Variants in TMEM116 observed in about 807,000 individuals in gnomAD.
TMEM116 encodes transmembrane protein 116.
In TMEM116, 38 loss-of-function variants were observed where a neutral mutation model predicts 44.3. The ratio of observed to expected loss-of-function variants is 0.86; its 90% confidence interval spans 0.66 to 1.12. The LOEUF (loss-of-function observed/expected upper bound fraction) is 1.12. Among genes scored for constraint, TMEM116 ranks in the 50% most tolerant of loss-of-function variants. TMEM116 has a pLI of 0.00. For synonymous variants in TMEM116, 132 were observed against 144.8 expected (o/e 0.91, Z 0.64); for missense variants, 354 against 401.7 (o/e 0.88, Z 1.01).
At chr12:111,966,025 GGCCAGGCACGGTGGCTCA>G (rs1268134464) in intron 4 of TMEM116, among the ~76,000 whole-genome samples, 2 of 151,674 alleles carry the variant, frequency 1.3e-5, no homozygotes, top group Admixed American at 6.6e-5. Flanking sequence ...AGAAATTTGA[GGCCAGGCACGGTGGCTCA>G]TGCCTGTAAT....
chr12:111,963,561 C>A (rs1380791287), intron 4 of TMEM116, among the ~76,000 whole-genome samples: 1 of 152,064 alleles, frequency 6.6e-6, no homozygotes, highest in Non-Finnish European at 1.5e-5. Flanking sequence ...TTCCCAGCAA[C>A]TAACACAAGA....
chr12:111,971,999 C>A (rs1490515479), intron 4 of TMEM116, among the ~76,000 whole-genome samples: 1 of 148,328 alleles, frequency 6.7e-6, no homozygotes, highest in Non-Finnish European at 1.5e-5. Flanking sequence ...TTGCTTGAGC[C>A]CAGGAGTTTG....
chr12:111,931,379 T>C lies in TMEM116; in HGVS notation c.*242A>G. The C allele has an allele frequency of 1.9e-6, 1 of 517,240 alleles. No individual in the cohort carries two copies. The highest frequency in any genetic ancestry group is 3.4e-6 in the Non-Finnish European group (1 of 292,496). The allele number at this position is 517,240 out of a possible 1,614,324, so 32.0% of individuals were successfully genotyped here. On this transcript the variant is annotated 3_prime_UTR_variant, in exon 11 of 11. Transcript: ENST00000552374. Reference sequence around the variant, plus strand: ...CATCAAGGTAACACGAGTCTATCTCTGAGATGGAAAGTGTCTTCCTCTCCC... The same window carrying C: ...CATCAAGGTAACACGAGTCTATCTCCGAGATGGAAAGTGTCTTCCTCTCCC...
At chr12:111,936,938 C>T (rs1457574005) in intron 7 of TMEM116, 108 bp from the exon 8 acceptor site, 2 of 1,244,866 alleles carry the variant, frequency 1.6e-6, no homozygotes, top group African/African-American at 1.5e-5. Flanking sequence ...CTAACTCTTG[C>T]TCATAAAACC....
intron 4 of TMEM116, among the ~76,000 whole-genome samples, chr12:111,988,146 G>T (rs779987573): frequency 6.6e-6 from 1 of 152,128 alleles, no homozygotes; most frequent in East Asian, 1.9e-4. Flanking sequence ...ACAGAAAGTA[G>T]AACAGTGGTT....
chr12:111,976,445 A>C (rs1159988761), intron 4 of TMEM116, among the ~76,000 whole-genome samples: 1 of 152,150 alleles, frequency 6.6e-6, no homozygotes, highest in Non-Finnish European at 1.5e-5. Flanking sequence ...GCGCCACTGC[A>C]CTCTAGCCTG....
At chr12:111,993,313 T>G in intron 3 of TMEM116, 7 of 484,840 alleles carry the variant, frequency 1.4e-5, no homozygotes, top group Non-Finnish European at 2.9e-5. Flanking sequence ...GGATTCTCAG[T>G]TACACTTAAG....
intron 4 of TMEM116, among the ~76,000 whole-genome samples, chr12:111,970,098 C>G (rs2075241360): frequency 1.3e-5 from 2 of 151,746 alleles, no homozygotes; most frequent in Admixed American, 1.3e-4. Context: ...GAAACCCCAT[C>G]TCTATAAAAA....
chr12:111,993,903 A>G (rs2076771382), intron 3 of TMEM116: 1 of 720,032 alleles, frequency 1.4e-6, no homozygotes, highest in Non-Finnish European at 2.6e-6. Flanking sequence ...TTGGATTTAA[A>G]GGTGTATGGA....
At chr12:111,984,071 G>A (rs986259047) in intron 4 of TMEM116, among the ~76,000 whole-genome samples, 4 of 151,848 alleles carry the variant, frequency 2.6e-5, no homozygotes, top group South Asian at 4.1e-4. Flanking sequence ...AAAAACTATC[G>A]TCTATATGAC....
At chr12:111,957,856 A>G (rs1565899898) in intron 4 of TMEM116, among the ~76,000 whole-genome samples, 1 of 152,242 alleles carries the variant, frequency 6.6e-6, no homozygotes, top group Non-Finnish European at 1.5e-5. Context: ...GGGGAAAAGA[A>G]AGAGAGATCA....
intron 4 of TMEM116, among the ~76,000 whole-genome samples, chr12:111,973,488 T>C (rs1427954135): frequency 6.6e-6 from 1 of 152,080 alleles, no homozygotes; most frequent in African/African-American, 2.4e-5. Context: ...TCTCTAAAAA[T>C]ATACGTAAGT....
chr12:111,934,603 C>T (rs1714596177), intron 8 of TMEM116: 1 of 152,008 alleles, frequency 6.6e-6, no homozygotes, highest in South Asian at 2.1e-4. Flanking sequence ...ACTAAAAATA[C>T]AAAAATTAGC....
At chr12:111,971,140 C>T (rs778815771) in intron 4 of TMEM116, among the ~76,000 whole-genome samples, 5 of 151,928 alleles carry the variant, frequency 3.3e-5, no homozygotes, top group African/African-American at 4.8e-5. Context: ...ACTCACCCTA[C>T]AAGAAATGTT....
intron 4 of TMEM116, among the ~76,000 whole-genome samples, chr12:111,984,718 C>T (rs79085257): frequency 0.017 from 2,617 of 151,922 alleles, 84 homozygotes; most frequent in African/African-American, 0.058. Flanking sequence ...AAAGGAAAAA[C>T]GGTTGAAGGG....
chr12:112,003,968 T>G (rs1358851476), intron 2 of TMEM116, 105 bp from the exon 3 acceptor site: 1 of 1,376,700 alleles, frequency 7.3e-7, no homozygotes, highest in Admixed American at 3.7e-5. Flanking sequence ...GCATAATTGA[T>G]ATAAAATAAA....
At chr12:111,948,714 T>C (rs2073473523) in intron 4 of TMEM116, among the ~76,000 whole-genome samples, 1 of 152,200 alleles carries the variant, frequency 6.6e-6, no homozygotes, top group African/African-American at 2.4e-5. Flanking sequence ...CATATATTTA[T>C]TTTAATTTTA....
chr12:111,992,134 C>A (rs1291552945), intron 3 of TMEM116, among the ~76,000 whole-genome samples: 1 of 152,028 alleles, frequency 6.6e-6, no homozygotes, highest in Non-Finnish European at 1.5e-5. Flanking sequence ...TAGTACTGAA[C>A]CTTCTTACTC....
In TMEM116 at chr12:111,936,707, G is replaced by C. The variant is rs1008890272; in HGVS notation, c.573C>G (p.Ser191Arg). 4 of 1,613,910 alleles carry C rather than the reference G, an allele frequency of 2.5e-6. No homozygotes were observed. The African/African-American group carries it at 5.3e-5, about 22-fold the overall frequency. The change falls in exon 8 of 11, where the codon AGC becomes AGG. Residue 191 changes from serine to arginine, a missense_variant. Coordinates refer to ENST00000552374, the MANE Select transcript of TMEM116 (RefSeq NM_001193531.2). The stretch of plus-strand genomic sequence containing the variant: ...GGTACCATACCATAATGGTAAGGAG[G>C]CTGAGTACAAAGCTGCCCAGGAAAA... ...IAIFLGSFVL[S>R]LLTIMVLLIR...
Sources: gnomAD v4.1 joint callset for allele counts (sites outside exome capture counted in the v4.1 genomes callset) on GRCh38, gnomAD v4.1.1 for gene constraint, MANE v1.5 for transcripts, NCBI Gene and HGNC (gene_info 2026-07-23, HGNC 2026-07-21) for gene names.